FHAD1: variants seen among roughly 807,000 people sequenced by gnomAD.
The protein encoded by FHAD1 is forkhead associated phosphopeptide binding domain 1, also known as forkhead-associated domain-containing protein 1.
In FHAD1, 146 loss-of-function variants were observed where a neutral mutation model predicts 191.3. The observed-to-expected ratio is 0.76, with a 90% CI of 0.67 to 0.88. The LOEUF (loss-of-function observed/expected upper bound fraction) is 0.88. FHAD1 is among the 40% of genes least tolerant of loss of function. The pLI is 0.00. For synonymous variants in FHAD1, 616 were observed against 672.3 expected, an observed-to-expected ratio of 0.92 and a Z score of 1.29; for missense variants, 1,635 against 1,785.8, an observed-to-expected ratio of 0.92 and a Z score of 1.52.
Position 15,360,698 on chromosome 1 carries a change from A to C in FHAD1, c.2957A>C (p.Asp986Ala). Residue 986 changes from aspartate (D) to alanine (A), a missense_variant, in exon 22 of 34, where the codon GAC (aspartate) becomes GCC (alanine). Physicochemically the swap from Asp to Ala is moderately radical, Grantham distance 126 (BLOSUM62 -2). Transcript: ENST00000688493. The stretch of plus-strand genomic sequence containing the variant: ...GAGATTGCAACATTGAAGGACAATG[A>C]CCCAGGTAAGTCCGAAGGGAGGCCA... Reference protein sequence around the residue: ...EGEIATLKDNDPAPKEERPQD... With the variant: ...EGEIATLKDNAPAPKEERPQD... 6.4e-7 allele frequency: 1 copy of C among 1,551,508 alleles called. No individual in the cohort carries two copies. Among genetic ancestry groups the C allele is most frequent in the Non-Finnish European group, 8.7e-7 (1 of 1,146,830 alleles).
chr1:15,272,390 A>G lies in FHAD1; in HGVS notation c.161A>G (p.Gln54Arg). 1 of 1,551,770 alleles carries G rather than the reference A, an allele frequency of 6.4e-7. No individual in the cohort carries two copies. ...GAGGCGGAGTGCAGCTTTGTTCTCCAGGACTTCAATTCCCGCAACGGCACG... is the reference window on the plus strand; with the variant it reads ...GAGGCGGAGTGCAGCTTTGTTCTCCGGGACTTCAATTCCCGCAACGGCACG... The part of the protein sequence containing the change: ...YNEAECSFVL[Q>R]DFNSRNGTFV... Residue 54 changes from glutamine to arginine, a missense_variant, in exon 3 of 34, where the codon CAG becomes CGG. Transcript: ENST00000688493.
chr1:15,305,860 A>G (rs1422728417), intron 6 of FHAD1: 2 of 386,160 alleles, frequency 5.2e-6, no homozygotes, highest in African/African-American at 2.1e-5. Context: ...AGTATCGGGT[A>G]TGGCTTTATC....
At chr1:15,331,148 T>A (rs1470636286) in intron 14 of FHAD1, among the ~76,000 whole-genome samples, 2 of 152,048 alleles carry the variant, frequency 1.3e-5, no homozygotes, top group African/African-American at 4.8e-5. Context: ...GAGCAAGGAA[T>A]GCAGGATGAG....
At chr1:15,368,298 T>G (rs1312491080) in intron 25 of FHAD1, among the ~76,000 whole-genome samples, 1 of 152,072 alleles carries the variant, frequency 6.6e-6, no homozygotes, top group Non-Finnish European at 1.5e-5. Context: ...TTGTCTGCCC[T>G]CCCCACGAGG....
At chr1:15,274,143 T>C (rs552664813) in intron 3 of FHAD1, among the ~76,000 whole-genome samples, 74 of 152,336 alleles carry the variant, frequency 4.9e-4, no homozygotes, top group African/African-American at 1.7e-3. Flanking sequence ...CGTTCTTCCA[T>C]GGGTAGACAC....
rs1001502973 is a variant in FHAD1, at chr1:15,381,099, A to G, written c.3802-132A>G. 3.0e-6 allele frequency: 2 copies of G among 666,990 alleles called. No homozygotes were observed. The highest frequency in any genetic ancestry group is 5.2e-6 in the Non-Finnish European group (2 of 387,644). 41.3% of individuals were successfully genotyped at this position (666,990 alleles called of 1,614,324 possible). On this transcript the variant is annotated intron_variant, in intron 29 of 33. Transcript: ENST00000688493. The surrounding 1 kb of genome is among the most constrained non-coding windows in gnomAD (Gnocchi z 4.6). Reference sequence around the variant, plus strand: ...GTCATGCTGAAAGCCCCAGTTGCACATCCTTTCAAAGCATGTGCGTGTTCT... The same window carrying G: ...GTCATGCTGAAAGCCCCAGTTGCACGTCCTTTCAAAGCATGTGCGTGTTCT...
rs751248042 is a variant in FHAD1, at chr1:15,279,891, A to G, written c.300+7362A>G. Among the ~76,000 whole-genome samples the G allele has an allele frequency of 2.0e-5, 3 of 152,070 alleles. No individual in the cohort carries two copies. In the East Asian group the frequency reaches 5.8e-4, roughly 29 times the overall value. On this transcript the variant is annotated intron_variant, in intron 3 of 33. Transcript: ENST00000688493. ...GATGGATGCAATGTAGGGAGGAAAA[A>G]CAAAAAAAAAGCCCATGGCAAGAAA...
In FHAD1 at chr1:15,311,099, CG is replaced by C. The variant is rs1447064020; in HGVS notation, c.1040-1956del. ...ACAAGATGAAATCTACGATTGCCCC[CG>C]GCTGGCTTGCGCTGGAGAGAGTTTC... is the stretch of plus-strand genomic sequence containing the variant. On this transcript the variant is annotated intron_variant, in intron 7 of 33. Coordinates refer to ENST00000688493, the MANE Select transcript of FHAD1 (RefSeq NM_001391957.1). The surrounding 1 kb of genome is among the most constrained non-coding windows in gnomAD (Gnocchi z 4.1). 6.6e-6 allele frequency among the ~76,000 whole-genome samples: 1 copy of C among 152,202 alleles called. No individual in the cohort carries two copies. The highest frequency in any genetic ancestry group is 1.5e-5 in the Non-Finnish European group (1 of 68,040).
Position 15,388,918 on chromosome 1 carries a change from C to T in FHAD1, c.4269+787C>T, listed in dbSNP as rs79555356. Among the ~76,000 whole-genome samples the T allele has an allele frequency of 2.9e-3, 443 of 152,286 alleles. 1 individual carries two copies. The highest frequency in any genetic ancestry group is 0.01 in the African/African-American group (429 of 41,558). ...AACAGCTCTTGAGACAGATCGATGT[C>T]ATCACATCCCACTGAATCCAGTAAA... On this transcript the variant is annotated intron_variant, in intron 32 of 33. Coordinates refer to ENST00000688493, the MANE Select transcript of FHAD1 (RefSeq NM_001391957.1).
rs1262729558 is a variant in FHAD1 at position 15,311,276 on chromosome 1, G to A, written c.1040-1781G>A. Among the ~76,000 whole-genome samples, 1 of 152,154 alleles carries A rather than the reference G, an allele frequency of 6.6e-6. No individual in the cohort carries two copies. The highest frequency in any genetic ancestry group is 1.5e-5 in the Non-Finnish European group (1 of 67,998). On this transcript the variant is annotated intron_variant, in intron 7 of 33. Coordinates refer to ENST00000688493, the MANE Select transcript of FHAD1 (RefSeq NM_001391957.1). This position sits in a 1 kb window ranked among gnomAD's most constrained non-coding sequence, Gnocchi z 4.1. ...CGGAGAGCACCCCGGAGATCTCAGA[G>A]GGTCCGCCTCAAGTCTTCAGCAGAG...
intron 33 of FHAD1, among the ~76,000 whole-genome samples, chr1:15,395,008 A>G (rs111491489): frequency 0.036 from 5,542 of 152,212 alleles, 298 homozygotes; most frequent in African/African-American, 0.12. Context: ...ACAGAAATGA[A>G]TGCCTCATAA....
chr1:15,345,318 G>T, intron 17 of FHAD1, 98 bp from the exon 18 acceptor site: 3 of 1,354,312 alleles, frequency 2.2e-6, no homozygotes, highest in Non-Finnish European at 3.1e-6. Context: ...CCCTAGGGAG[G>T]TGTAGTCTGG....
chr1:15,374,621 G>A lies in FHAD1; in HGVS notation c.3567G>A (p.Ala1189=), dbSNP rs776679596. Residue 1189 remains alanine, a synonymous_variant, in exon 27 of 34, where the codon GCG becomes GCA. Transcript: ENST00000688493. The part of the protein sequence containing the change: ...LRARIKELEK[A]RSPDHKDHQN... The stretch of plus-strand genomic sequence containing the variant: ...CGCGAATTAAAGAACTCGAGAAGGC[G>A]CGCTCACCAGGTAAGTCTCCTCCTT... The A allele has an allele frequency of 2.4e-5, 37 of 1,551,212 alleles. No homozygotes were observed. The highest frequency in any genetic ancestry group is 3.0e-5 in the Non-Finnish European group (34 of 1,146,936).
In FHAD1 at chr1:15,317,028, T is replaced by C. The variant is rs139958532; in HGVS notation, c.1260+561T>C. On this transcript the variant is annotated intron_variant, in intron 9 of 33. Coordinates refer to ENST00000688493, the MANE Select transcript of FHAD1 (RefSeq NM_001391957.1). ...CGGTGAAACCCCGTCTCTACTGAAA[T>C]ACAAAAAAATTAGCTGGGCATGGTG... Among the ~76,000 whole-genome samples the C allele has an allele frequency of 8.7e-4, 132 of 151,940 alleles. 10 individuals are homozygous for C. The highest frequency in any genetic ancestry group is 3.3e-3 in the Admixed American group (51 of 15,276).
At chr1:15,340,953 G>A (rs190353101) in intron 15 of FHAD1, among the ~76,000 whole-genome samples, 54 of 152,184 alleles carry the variant, frequency 3.5e-4, no homozygotes, top group African/African-American at 1.3e-3. Context: ...AGGCTGAGGC[G>A]GGTGGATCAC....
chr1:15,243,883 T>C (rs1334158786), upstream of FHAD1, among the ~76,000 whole-genome samples: 2 of 152,192 alleles, frequency 1.3e-5, no homozygotes, highest in African/African-American at 4.8e-5. Flanking sequence ...CCTTGTCACA[T>C]TCATCTCGAT....
chr1:15,384,031 G>A (rs1701541409), intron 31 of FHAD1: 2 of 241,596 alleles, frequency 8.3e-6, no homozygotes, highest in Admixed American at 4.9e-5. Flanking sequence ...TGTACCATGT[G>A]CATGAGGGTT....
At chr1:15,296,323 G>A (rs943805840) in intron 4 of FHAD1, among the ~76,000 whole-genome samples, 3 of 147,830 alleles carry the variant, frequency 2.0e-5, no homozygotes, top group African/African-American at 7.5e-5. Context: ...GCGCAATCTC[G>A]GCTCACTGCA....
intron 10 of FHAD1, among the ~76,000 whole-genome samples, 170 bp from the exon 11 acceptor site, chr1:15,324,282 C>G (rs537084976): frequency 6.6e-6 from 1 of 152,032 alleles, no homozygotes; most frequent in East Asian, 1.9e-4. Flanking sequence ...ACGGACAGTG[C>G]CCCCCTAGCC....
Sources: gnomAD v4.1 joint callset for allele counts (sites outside exome capture counted in the v4.1 genomes callset) on GRCh38, gnomAD v4.1.1 for gene constraint, Gnocchi (gnomAD v3.1) non-coding constraint, MANE v1.5 for transcripts, NCBI Gene and HGNC (gene_info 2026-07-23, HGNC 2026-07-21) for gene names.